The following CUX1 variants were observed in gnomAD, a reference collection of about 807,000 sequenced individuals.
CUX1 encodes the protein protein CASP.
Under a neutral mutation model 158.8 loss-of-function variants are expected in CUX1, and 31 were observed. The ratio of observed to expected loss-of-function variants is 0.20; its 90% CI spans 0.15 to 0.26. CUX1 has a LOEUF of 0.26. Ranked by LOEUF, CUX1 falls within the 10% of genes least tolerant of loss-of-function variation. The probability of loss-of-function intolerance (pLI) is 1.00; values close to 1 mark genes in which losing one functional copy is unlikely to be tolerated. For synonymous variants in CUX1, 879 were observed against 862.1 expected (o/e 1.02, Z -0.34); for missense variants, 1,589 against 2,014.6 (o/e 0.79, Z 4.04).
At chr7:102,275,949 C>T (rs1349282010) in intron 17 of CUX1, among the ~76,000 whole-genome samples, 1 of 149,518 alleles carries the variant, frequency 6.7e-6, no homozygotes, top group Admixed American at 6.7e-5. Flanking sequence ...GTAGAGGTTG[C>T]AGTGAGCTGA....
intron 10 of CUX1, among the ~76,000 whole-genome samples, chr7:102,174,037 C>A (rs1792023661): frequency 6.6e-6 from 1 of 152,176 alleles, no homozygotes; most frequent in Non-Finnish European, 1.5e-5. Context: ...CCAGTGGAAT[C>A]TCCGATTCTA....
At chr7:102,045,145 A>G (rs914782974) in intron 3 of CUX1, among the ~76,000 whole-genome samples, 11 of 152,220 alleles carry the variant, frequency 7.2e-5, no homozygotes, top group African/African-American at 2.7e-4. Context: ...GACCCGTCGG[A>G]CTGCGGCTCA....
chr7:102,171,529 C>T (rs1791719095), intron 10 of CUX1, among the ~76,000 whole-genome samples: 1 of 151,190 alleles, frequency 6.6e-6, no homozygotes, highest in Admixed American at 6.6e-5. Context: ...CTCACTGCAG[C>T]CTCCACCTCC....
Position 102,178,324 on chromosome 7 carries a change from G to A in CUX1, c.829-145G>A. 3.8e-6 allele frequency: 3 copies of A among 790,210 alleles called. No individual in the cohort carries two copies. The South Asian group carries it at 5.8e-5, about 15-fold the overall frequency. 48.9% of individuals were successfully genotyped at this position (790,210 alleles called of 1,614,324 possible). A position where few individuals can be genotyped will look rare whatever the true frequency, so the allele number is the denominator to read the frequency against. On this transcript the variant is annotated intron_variant, in intron 10 of 23. Coordinates refer to ENST00000292535, the MANE Select transcript of CUX1 (RefSeq NM_181552.4). ...GGGAGGAAGGTTGCATAGGGGAAGT[G>A]CAAGCAAGGGCAAGAAGTGACATCC...
intron 3 of CUX1, among the ~76,000 whole-genome samples, chr7:102,040,919 C>A (rs190019712): frequency 6.6e-6 from 1 of 152,322 alleles, no homozygotes; most frequent in African/African-American, 2.4e-5. Flanking sequence ...ATGAGACTCA[C>A]TGGAGCAGTA....
At chr7:102,090,397 G>GT (rs371259995) in intron 4 of CUX1, among the ~76,000 whole-genome samples, 29 of 145,228 alleles carry the variant, frequency 2.0e-4, no homozygotes, top group Admixed American at 5.5e-4. Context: ...GTTTTGTTTT[G>GT]TTTTTTTTGA....
chr7:102,066,725 C>T (rs1224323799), intron 3 of CUX1, among the ~76,000 whole-genome samples: 1 of 152,198 alleles, frequency 6.6e-6, no homozygotes, highest in Non-Finnish European at 1.5e-5. Flanking sequence ...CCACCTGCCT[C>T]TCTTAGAAGA....
chr7:102,171,283 A>G (rs1203452800), intron 10 of CUX1, among the ~76,000 whole-genome samples: 1 of 152,066 alleles, frequency 6.6e-6, no homozygotes, highest in African/African-American at 2.4e-5. Flanking sequence ...AACGTCCCTG[A>G]GTCTCCGTTT....
rs1239034344 is a variant in CUX1 at position 102,249,219 on chromosome 7, C to T, written c.*177C>T. The T allele has an allele frequency of 6.4e-6, 7 of 1,101,524 alleles. No homozygotes were observed. Among genetic ancestry groups the T allele is most frequent in the Middle Eastern group, 3.9e-4 (1 of 2,546 alleles). The allele number at this position is 1,101,524 out of a possible 1,614,324, so 68.2% of individuals were successfully genotyped here. A position where few individuals can be genotyped will look rare whatever the true frequency, so the allele number is the denominator to read the frequency against. On this transcript the variant is annotated 3_prime_UTR_variant, in exon 24 of 24. Transcript: ENST00000292535. Reference sequence around the variant, plus strand: ...CCACGGTCCGCGGCCTGCACCGACCCGAGGCCCAGATCCAAGGCCGCGGCC... The same window carrying T: ...CCACGGTCCGCGGCCTGCACCGACCTGAGGCCCAGATCCAAGGCCGCGGCC...
At chr7:102,074,864 T>C (rs987048886) in intron 4 of CUX1, among the ~76,000 whole-genome samples, 2 of 152,160 alleles carry the variant, frequency 1.3e-5, no homozygotes, top group African/African-American at 4.8e-5. Context: ...GTTCTGAGCT[T>C]TTTGTTTTTC....
intron 8 of CUX1, among the ~76,000 whole-genome samples, chr7:102,123,469 C>T (rs1276973182): frequency 1.3e-5 from 2 of 149,758 alleles, no homozygotes; most frequent in African/African-American, 2.5e-5. Flanking sequence ...ATGAGCCAGG[C>T]GTGGTGGCGG....
At position 102,195,410 on chromosome 7, in the gene CUX1, G is replaced by A. The variant is rs890304500; in HGVS notation, c.1126-97G>A. ...ATCAGATCGAGAGCTGGGTGGGAAC[G>A]CGGACAGATGGAGGGAGGCAGGGCT... On this transcript the variant is annotated intron_variant, in intron 13 of 23. Coordinates refer to ENST00000292535, the MANE Select transcript of CUX1 (RefSeq NM_181552.4). 3.1e-5 allele frequency: 29 copies of A among 934,046 alleles called. No individual in the cohort carries two copies. The Middle Eastern group carries it at 1.3e-3, about 41-fold the overall frequency. 57.9% of individuals were successfully genotyped at this position (934,046 alleles called of 1,614,324 possible). A position where few individuals can be genotyped will look rare whatever the true frequency, so the allele number is the denominator to read the frequency against.
At chr7:101,817,213 C>T (rs1791940965), upstream of CUX1, 33 of 984,338 alleles carry the variant, frequency 3.4e-5, 1 homozygote, top group Non-Finnish European at 4.0e-5. This position sits in a 1 kb window ranked among gnomAD's most constrained non-coding sequence, Gnocchi z 4.1. Flanking sequence ...TGTACGCTGC[C>T]TCCCCGCCGC....
chr7:101,871,149 G>A (rs578209970), intron 1 of CUX1, among the ~76,000 whole-genome samples: 1 of 152,252 alleles, frequency 6.6e-6, no homozygotes, highest in African/African-American at 2.4e-5. Flanking sequence ...TGTGATCCTA[G>A]CATCCGTGGT....
chr7:102,267,707 C>G (rs1790912174), intron 14 of CUX1, among the ~76,000 whole-genome samples: 1 of 152,108 alleles, frequency 6.6e-6, no homozygotes, highest in Non-Finnish European at 1.5e-5. Context: ...TGCTCTGTCA[C>G]CCAGCCTGGA....
chr7:102,089,958 G>A (rs1181636444), intron 4 of CUX1, among the ~76,000 whole-genome samples: 1 of 152,184 alleles, frequency 6.6e-6, no homozygotes, highest in Non-Finnish European at 1.5e-5. Context: ...GGGAAGTCTT[G>A]TTCCACCAGT....
intron 8 of CUX1, among the ~76,000 whole-genome samples, chr7:102,121,366 G>C (rs1292905450): frequency 1.4e-5 from 2 of 144,184 alleles, no homozygotes; most frequent in African/African-American, 2.6e-5. Flanking sequence ...TTTTTTTGGA[G>C]ACTGAGTCTC....
At chr7:101,955,176 A>C (rs1289102360) in intron 2 of CUX1, among the ~76,000 whole-genome samples, 1 of 151,950 alleles carries the variant, frequency 6.6e-6, no homozygotes, top group East Asian at 1.9e-4. Context: ...AAAAAAAAAA[A>C]AATGCAGGTT....
intron 1 of CUX1, among the ~76,000 whole-genome samples, chr7:101,844,349 G>A (rs539409700): frequency 1.9e-4 from 29 of 152,208 alleles, no homozygotes; most frequent in Middle Eastern, 6.8e-3. Context: ...AAGTCTTTCT[G>A]TGATAAACTT....
Sources: allele counts gnomAD v4.1 joint callset (sites outside exome capture counted in the v4.1 genomes callset), GRCh38; gene constraint gnomAD v4.1.1; non-coding constraint Gnocchi (gnomAD v3.1); transcripts MANE v1.5; gene names NCBI Gene and HGNC (gene_info 2026-07-23, HGNC 2026-07-21).